MROH9: variants seen among roughly 807,000 people sequenced by gnomAD.
MROH9 encodes the protein maestro heat-like repeat-containing protein family member 9.
Under a neutral mutation model 98.2 loss-of-function variants are expected in MROH9, and 92 were observed. The ratio of observed to expected loss-of-function variants is 0.94; its 90% CI spans 0.79 to 1.11. MROH9 has a LOEUF of 1.11. Among genes scored for constraint, MROH9 ranks in the 50% most tolerant of loss-of-function variants. The probability of loss-of-function intolerance (pLI) is 0.00; values close to 1 mark genes in which losing one functional copy is unlikely to be tolerated. For synonymous variants in MROH9, 397 were observed against 368.9 expected, an observed-to-expected ratio of 1.08 and a Z score of -0.87; for missense variants, 1,057 against 1,014.8, an observed-to-expected ratio of 1.04 and a Z score of -0.57.
chr1:171,022,761 T>TA lies in MROH9; in HGVS notation c.1909-1625dup, dbSNP rs911796781. On this transcript the variant is annotated intron_variant, in intron 17 of 21. Transcript: ENST00000367759. ...GCACTTGTATCCCAGAACTTAAAGTTAAAAAAAAAGAAAAAAGTGGCTTAA... is the reference window on the plus strand; with the variant it reads ...GCACTTGTATCCCAGAACTTAAAGTTAAAAAAAAAAGAAAAAAGTGGCTTAA... Among the ~76,000 whole-genome samples, 382 of 150,338 alleles carry TA rather than the reference T, an allele frequency of 2.5e-3. 1 individual carries two copies. Among genetic ancestry groups the TA allele is most frequent in the African/African-American group, 8.3e-3 (340 of 41,020 alleles).
intron 10 of MROH9, among the ~76,000 whole-genome samples, chr1:170,989,007 A>G (rs1226564522): frequency 6.6e-6 from 1 of 152,132 alleles, no homozygotes; most frequent in Admixed American, 6.6e-5. Flanking sequence ...TGGTTGGAAA[A>G]GTACCCTGCA....
Position 170,943,504 on chromosome 1 carries a change from T to C in MROH9, c.-37-2016T>C, listed in dbSNP as rs202108199. Among the ~76,000 whole-genome samples the C allele has an allele frequency of 3.5e-4, 53 of 152,034 alleles. No homozygotes were observed. The East Asian group carries it at 9.8e-3, about 28-fold the overall frequency. On this transcript the variant is annotated intron_variant, in intron 1 of 21. Coordinates refer to ENST00000367759, the MANE Select transcript of MROH9 (RefSeq NM_001163629.2). ...TTTAACAAAATGTGCCATGAACATA[T>C]AGATTCAAAAGCAGACTATGTCCCT...
In MROH9 at chr1:171,036,237, G is replaced by A. The variant is rs1653094332; in HGVS notation, c.2281+10817G>A. ...TGGGGAGAAAATAAAAGGGAGCCTC[G>A]GAGAGAGTTTCTGGATTACTGGTAA... On this transcript the variant is annotated intron_variant, in intron 20 of 21. Transcript: ENST00000367759. 2.6e-5 allele frequency among the ~76,000 whole-genome samples: 4 copies of A among 152,070 alleles called. 1 individual carries two copies. In the South Asian group the frequency reaches 6.2e-4, roughly 24 times the overall value.
intron 11 of MROH9, among the ~76,000 whole-genome samples, chr1:170,991,158 A>T (rs1268536154): frequency 6.6e-6 from 1 of 152,186 alleles, no homozygotes; most frequent in African/African-American, 2.4e-5. Flanking sequence ...TACAGAAAGC[A>T]GGCATAATTT....
At chr1:171,010,797 T>G (rs1329516412) in intron 15 of MROH9, among the ~76,000 whole-genome samples, 1 of 151,864 alleles carries the variant, frequency 6.6e-6, no homozygotes, top group Non-Finnish European at 1.5e-5. Context: ...TTTGTTTTGG[T>G]TTTTTTTGTA....
In MROH9 at chr1:170,994,245, A is replaced by G. The variant is rs187915953; in HGVS notation, c.1195-1144A>G. Reference sequence around the variant, plus strand: ...TCTTGTCAAAAGACTTAGGTTGTCCACCAAGGGATTTCAGATGACCACAAT... The same window carrying G: ...TCTTGTCAAAAGACTTAGGTTGTCCGCCAAGGGATTTCAGATGACCACAAT... On this transcript the variant is annotated intron_variant, in intron 12 of 21. Coordinates refer to ENST00000367759, the MANE Select transcript of MROH9 (RefSeq NM_001163629.2). Among the ~76,000 whole-genome samples the G allele has an allele frequency of 1.2e-3, 189 of 152,316 alleles. 1 individual carries two copies. The highest frequency in any genetic ancestry group is 4.2e-3 in the African/African-American group (173 of 41,578).
intron 15 of MROH9, among the ~76,000 whole-genome samples, chr1:170,999,852 TG>T (rs916779591): frequency 1.2e-4 from 18 of 152,134 alleles, no homozygotes; most frequent in African/African-American, 4.3e-4. Flanking sequence ...TACTGTTTTT[TG>T]ATTTTCTTGA....
At position 170,959,587 on chromosome 1, in the gene MROH9, A is replaced by C; in HGVS notation, c.278A>C (p.Glu93Ala). Residue 93 changes from glutamate (E) to alanine (A), a missense_variant, in exon 5 of 22, where the codon GAG becomes GCG. Physicochemically the swap from Glu to Ala is moderately radical, Grantham distance 107 (BLOSUM62 -1). Coordinates refer to ENST00000367759, the MANE Select transcript of MROH9 (RefSeq NM_001163629.2). ...KEMGSSYEYI[E>A]DMENLYHNIL... The stretch of plus-strand genomic sequence containing the variant: ...ATGGGGAGCAGTTATGAGTACATTG[A>C]GGACATGGAGGTAAAATTTTTCTTC... 1 of 1,611,644 alleles carries C rather than the reference A, an allele frequency of 6.2e-7. No individual in the cohort carries two copies. The highest frequency in any genetic ancestry group is 1.1e-5 in the South Asian group (1 of 90,234).
intron 2 of MROH9, among the ~76,000 whole-genome samples, chr1:170,946,801 A>G (rs1649347181): frequency 6.6e-6 from 1 of 152,054 alleles, no homozygotes; most frequent in Non-Finnish European, 1.5e-5. Context: ...TAAAAATTTC[A>G]TAAGGCAATT....
intron 20 of MROH9, among the ~76,000 whole-genome samples, chr1:171,050,652 C>A (rs1653634870): frequency 6.6e-6 from 1 of 152,076 alleles, no homozygotes; most frequent in African/African-American, 2.4e-5. Flanking sequence ...GTTTGATGCC[C>A]TTTATTTATT....
intron 17 of MROH9, among the ~76,000 whole-genome samples, chr1:171,016,885 GAA>G (rs1291992107): frequency 6.6e-6 from 1 of 152,244 alleles, no homozygotes; most frequent in East Asian, 1.9e-4. Context: ...ATATGTTTCA[GAA>G]AAGTTTAATG....
At chr1:170,940,401 G>A (rs913870550) in intron 1 of MROH9, among the ~76,000 whole-genome samples, 1 of 152,170 alleles carries the variant, frequency 6.6e-6, no homozygotes, top group Non-Finnish European at 1.5e-5. Flanking sequence ...TAATGTTTGT[G>A]GATGGGGAAG....
chr1:171,041,347 ATGTGTGTGTGTGTGTGTGTGTG>A (rs377650131), intron 20 of MROH9, among the ~76,000 whole-genome samples: 1 of 80,610 alleles, frequency 1.2e-5, no homozygotes, highest in Non-Finnish European at 2.5e-5. Flanking sequence ...GTATTCCATG[ATGTGTGTGTGTGTGTGTGTGTG>A]TGTGTGTGTG....
intron 3 of MROH9, among the ~76,000 whole-genome samples, chr1:170,950,039 C>T (rs1182465505): frequency 1.3e-5 from 2 of 151,986 alleles, no homozygotes; most frequent in African/African-American, 4.8e-5. Flanking sequence ...CTCACAACAG[C>T]CCTGTGGGGT....
At chr1:170,991,893 G>A (rs150837369) in intron 11 of MROH9, among the ~76,000 whole-genome samples, 39 of 152,284 alleles carry the variant, frequency 2.6e-4, no homozygotes, top group Non-Finnish European at 5.4e-4. Flanking sequence ...CAGTGAGCTA[G>A]ACAGACATTT....
intron 3 of MROH9, among the ~76,000 whole-genome samples, chr1:170,957,717 C>T (rs556563386): frequency 4.5e-4 from 68 of 151,884 alleles, no homozygotes; most frequent in Non-Finnish European, 8.2e-4. Context: ...CTTTTAAAGG[C>T]TAAATTCTCA....
chr1:170,998,672 T>C (rs1651679219), intron 15 of MROH9: 1 of 1,106,776 alleles, frequency 9.0e-7, no homozygotes, highest in Middle Eastern at 3.9e-4. Flanking sequence ...ACTGGCTGAG[T>C]AACTGGGTAA....
intron 9 of MROH9, among the ~76,000 whole-genome samples, chr1:170,986,262 T>C (rs966773877): frequency 6.6e-6 from 1 of 152,302 alleles, no homozygotes; most frequent in Non-Finnish European, 1.5e-5. Flanking sequence ...TGGAGCAAAC[T>C]CATTTCCAAA....
intron 7 of MROH9, among the ~76,000 whole-genome samples, chr1:170,969,227 G>A (rs1353526787): frequency 6.6e-6 from 1 of 152,142 alleles, no homozygotes; most frequent in South Asian, 2.1e-4. Flanking sequence ...ACACACATAT[G>A]GCATATTATC....
Sources: gnomAD v4.1 joint callset for allele counts (sites outside exome capture counted in the v4.1 genomes callset) on GRCh38, gnomAD v4.1.1 for gene constraint, MANE v1.5 for transcripts, NCBI Gene and HGNC (gene_info 2026-07-23, HGNC 2026-07-21) for gene names.